Variants in DIP2C observed in about 807,000 individuals in gnomAD.
The protein encoded by DIP2C is DIP2 acetate--CoA ligase C (putative).
A neutral mutation model predicts 192.4 loss-of-function variants in DIP2C; 33 were observed. The ratio of observed to expected loss-of-function variants is 0.17; its 90% confidence interval spans 0.13 to 0.23. The LOEUF is 0.23. Among genes scored for constraint, DIP2C ranks in the 10% least tolerant of loss-of-function variants. The pLI, the probability that DIP2C is intolerant of heterozygous loss-of-function variation, is 1.00. For missense variants in DIP2C, 1,537 were observed against 2,110.1 expected (o/e 0.73, Z 5.32); for synonymous variants, 979 against 864.1 (o/e 1.13, Z -2.33).
intron 1 of DIP2C, among the ~76,000 whole-genome samples, chr10:529,926 A>T (rs1403691550): frequency 2.0e-5 from 3 of 152,204 alleles, no homozygotes; most frequent in Non-Finnish European, 4.4e-5. Flanking sequence ...ACCAACAGGC[A>T]AGTTTCATTT....
intron 13 of DIP2C, among the ~76,000 whole-genome samples, chr10:389,549 G>A (rs1686213867): frequency 6.6e-6 from 1 of 152,204 alleles, no homozygotes; most frequent in Non-Finnish European, 1.5e-5. Context: ...GTGCACCCAG[G>A]GATGAAGCTC....
At chr10:425,547 T>C (rs1201224415) in intron 4 of DIP2C, among the ~76,000 whole-genome samples, 1 of 136,674 alleles carries the variant, frequency 7.3e-6, no homozygotes, top group African/African-American at 2.6e-5. Flanking sequence ...TGGTGACTAA[T>C]ATGACACGGA....
intron 1 of DIP2C, among the ~76,000 whole-genome samples, chr10:608,148 CCA>C (rs1218583758): frequency 2.6e-5 from 2 of 76,576 alleles, no homozygotes; most frequent in Admixed American, 2.6e-4. Context: ...CACAGCCCCC[CCA>C]CACACACCCC....
At chr10:405,590 C>T (rs1212756655) in intron 9 of DIP2C, among the ~76,000 whole-genome samples, 3 of 152,160 alleles carry the variant, frequency 2.0e-5, no homozygotes, top group South Asian at 4.1e-4. Context: ...AGTCACAAAT[C>T]CTGTTGTATT....
At chr10:362,728 G>T in intron 21 of DIP2C, 37 bp from the exon 22 acceptor site, 1 of 1,572,472 alleles carries the variant, frequency 6.4e-7, no homozygotes, top group Non-Finnish European at 8.6e-7. Flanking sequence ...TGTTATAAGA[G>T]GAAGTATAAA....
intron 1 of DIP2C, chr10:662,112 C>A (rs1856796759): frequency 1.4e-6 from 1 of 717,452 alleles, no homozygotes; most frequent in Non-Finnish European, 2.6e-6. Flanking sequence ...TTCCTAGTAT[C>A]TGACAGGTAA....
chr10:429,971 C>CT (rs1966841503), intron 4 of DIP2C, among the ~76,000 whole-genome samples: 1 of 152,130 alleles, frequency 6.6e-6, no homozygotes, highest in Admixed American at 6.5e-5. Flanking sequence ...AGCTGTCTTC[C>CT]TAAAGGCTGT....
intron 29 of DIP2C, among the ~76,000 whole-genome samples, chr10:337,691 C>CTG (rs1260075432): frequency 8.5e-5 from 11 of 128,936 alleles, no homozygotes; most frequent in African/African-American, 2.7e-4. Context: ...GAGGCCTAGG[C>CTG]AGCTGTGTGT....
chr10:381,771 T>TAC (rs1444217736), intron 17 of DIP2C, among the ~76,000 whole-genome samples: 1 of 152,210 alleles, frequency 6.6e-6, no homozygotes, highest in Admixed American at 6.5e-5. Context: ...GCACTCACTC[T>TAC]ACACTCCAGA....
At chr10:603,135 G>A (rs776012151) in intron 1 of DIP2C, among the ~76,000 whole-genome samples, 4 of 151,766 alleles carry the variant, frequency 2.6e-5, no homozygotes, top group Non-Finnish European at 4.4e-5. Flanking sequence ...TGTTAATAAA[G>A]TCTGCAGAGT....
intron 29 of DIP2C, among the ~76,000 whole-genome samples, chr10:337,519 G>A (rs1415002335): frequency 1.4e-5 from 2 of 145,528 alleles, no homozygotes; most frequent in Admixed American, 1.4e-4. Flanking sequence ...CTGTGTGTGT[G>A]TGCGTGCGTG....
rs1281436590 is a variant in DIP2C at position 636,987 on chromosome 10, C to T, written c.85+52507G>A. Among the ~76,000 whole-genome samples the T allele has an allele frequency of 6.6e-6, 1 of 152,278 alleles. No individual in the cohort carries two copies. ...GACTCGTGTGCACCAGCACCCACAT[C>T]CCCGCATCAGAAACACCTGGAGGGG... is the stretch of plus-strand genomic sequence containing the variant. On this transcript the variant is annotated intron_variant, in intron 1 of 36. Coordinates refer to ENST00000280886, the MANE Select transcript of DIP2C (RefSeq NM_014974.3). The surrounding 1 kb of genome is among the most constrained non-coding windows in gnomAD (Gnocchi z 4.6).
At chr10:321,671 G>A (rs1397583615) in intron 31 of DIP2C, among the ~76,000 whole-genome samples, 6 of 40,506 alleles carry the variant, frequency 1.5e-4, no homozygotes, top group African/African-American at 8.9e-4. Flanking sequence ...ACAGTCAGTC[G>A]GGGGTGCGGG....
At chr10:526,655 A>G (rs1490988332) in intron 1 of DIP2C, among the ~76,000 whole-genome samples, 4 of 152,148 alleles carry the variant, frequency 2.6e-5, no homozygotes, top group Non-Finnish European at 4.4e-5. Flanking sequence ...TCAAATACAC[A>G]TATGTTCTGG....
At chr10:378,740 GAC>G (rs999656876) in intron 17 of DIP2C, among the ~76,000 whole-genome samples, 10 of 151,406 alleles carry the variant, frequency 6.6e-5, no homozygotes, top group Admixed American at 2.0e-4. Flanking sequence ...CATGCATAAA[GAC>G]ACATGTGAAC....
chr10:409,200 G>C (rs1010112885), intron 8 of DIP2C, among the ~76,000 whole-genome samples, 183 bp from the exon 9 acceptor site: 9 of 152,046 alleles, frequency 5.9e-5, no homozygotes, highest in Admixed American at 3.9e-4. Flanking sequence ...ATGAGTGAAA[G>C]TAGAAAAGCA....
chr10:439,394 G>A (rs1196207860), intron 4 of DIP2C, among the ~76,000 whole-genome samples: 3 of 152,336 alleles, frequency 2.0e-5, no homozygotes, highest in African/African-American at 7.2e-5. Flanking sequence ...GTGTTCTTTA[G>A]ACGAAGATCA....
At chr10:401,363 G>C (rs1353360618) in intron 9 of DIP2C, among the ~76,000 whole-genome samples, 3 of 151,732 alleles carry the variant, frequency 2.0e-5, no homozygotes, top group African/African-American at 7.3e-5. Flanking sequence ...GGTAGCATTA[G>C]CATTACTCTT....
At chr10:458,339 C>T (rs1340312081) in intron 3 of DIP2C, among the ~76,000 whole-genome samples, 2 of 152,230 alleles carry the variant, frequency 1.3e-5, no homozygotes, top group African/African-American at 4.8e-5. Flanking sequence ...TCAGTAAATC[C>T]AGACTGACTC....
Sources: allele counts gnomAD v4.1 joint callset (sites outside exome capture counted in the v4.1 genomes callset), GRCh38; gene constraint gnomAD v4.1.1; non-coding constraint Gnocchi (gnomAD v3.1); transcripts MANE v1.5; gene names NCBI Gene and HGNC (gene_info 2026-07-23, HGNC 2026-07-21).